Variants in ZNF91 observed in about 807,000 individuals in gnomAD.
The protein encoded by ZNF91 is zinc finger protein 91 (HPF7, HTF10).
In ZNF91, 7 loss-of-function variants were observed where a neutral mutation model predicts 12.6. That is an observed-to-expected ratio of 0.55 (90% confidence interval 0.31 to 1.04). ZNF91 has a LOEUF of 1.04. Among genes scored for constraint, ZNF91 ranks in the 50% least tolerant of loss-of-function variants. The probability of loss-of-function intolerance (pLI) is 0.05; values close to 1 mark genes in which losing one functional copy is unlikely to be tolerated. For missense variants in ZNF91, 1,217 were observed against 1,385.4 expected, an observed-to-expected ratio of 0.88 and a Z score of 1.93; for synonymous variants, 453 against 462.6, an observed-to-expected ratio of 0.98 and a Z score of 0.27.
At chr19:23,364,143 ACC>A (rs775920114) in intron 3 of ZNF91, among the ~76,000 whole-genome samples, 46 of 152,200 alleles carry the variant, frequency 3.0e-4, no homozygotes, top group Non-Finnish European at 5.3e-4. Flanking sequence ...ACATGGTGAA[ACC>A]CCGTCTCTAC....
At chr19:23,333,520 G>A (rs1236021093) in intron 1 of ZNF91, among the ~76,000 whole-genome samples, 1 of 152,310 alleles carries the variant, frequency 6.6e-6, no homozygotes, top group African/African-American at 2.4e-5. Flanking sequence ...AGGACAGTGA[G>A]AGGAAGACCT....
chr19:23,306,325 C>T (rs1016107735), intron 3 of ZNF91, among the ~76,000 whole-genome samples: 1 of 152,194 alleles, frequency 6.6e-6, no homozygotes, highest in African/African-American at 2.4e-5. Context: ...ATATATGCAC[C>T]TTCACAGAAC....
intron 3 of ZNF91, among the ~76,000 whole-genome samples, chr19:23,349,692 T>G (rs2145024588): frequency 6.6e-6 from 1 of 152,048 alleles, no homozygotes; most frequent in African/African-American, 2.4e-5. Context: ...ATACGCAGCA[T>G]GCCAACTGCA....
intron 1 of ZNF91, 114 bp downstream of exon 1, chr19:23,395,211 G>A (rs1022695690): frequency 3.0e-6 from 4 of 1,337,858 alleles, no homozygotes; most frequent in Non-Finnish European, 3.1e-6. Context: ...AGGAGAACCC[G>A]GGCACGGATT....
At chr19:23,352,995 C>T (rs1224761455), downstream of ZNF91, among the ~76,000 whole-genome samples, 1 of 152,166 alleles carries the variant, frequency 6.6e-6, no homozygotes, top group Non-Finnish European at 1.5e-5. Context: ...AGATAGACAG[C>T]AACACTGTAA....
chr19:23,335,026 T>G (rs295401), downstream of ZNF91, among the ~76,000 whole-genome samples: 14 of 152,050 alleles, frequency 9.2e-5, no homozygotes, highest in Non-Finnish European at 1.6e-4. Flanking sequence ...TACATGTGCA[T>G]AGCGTGGAGG....
rs544526314 is a variant in ZNF91 at position 23,387,868 on chromosome 19, G to A, written c.30+7457C>T. ...TGAGACAGGATAATTGCTTAAACCC[G>A]GGAGGCAGAGGTTGCAGTGAGCTGA... is the stretch of plus-strand genomic sequence containing the variant. On this transcript the variant is annotated intron_variant, in intron 1 of 3. Coordinates refer to ENST00000300619, the MANE Select transcript of ZNF91 (RefSeq NM_003430.4). 2.0e-5 allele frequency among the ~76,000 whole-genome samples: 3 copies of A among 151,050 alleles called. No individual in the cohort carries two copies. The East Asian group carries it at 5.9e-4, about 30-fold the overall frequency.
At chr19:23,366,671 T>C (rs1038717277) in intron 3 of ZNF91, among the ~76,000 whole-genome samples, 7 of 152,208 alleles carry the variant, frequency 4.6e-5, no homozygotes, top group African/African-American at 7.2e-5. Flanking sequence ...ACAGAGCAAG[T>C]ACGAGGTGAA....
chr19:23,314,093 C>T (rs969553850), upstream of ZNF91, among the ~76,000 whole-genome samples: 1 of 152,108 alleles, frequency 6.6e-6, no homozygotes, highest in African/African-American at 2.4e-5. Context: ...TATTCCTGCC[C>T]CTAGCACCTA....
At chr19:23,321,124 C>T (rs1394326845) in intron 1 of ZNF91, among the ~76,000 whole-genome samples, 1 of 152,164 alleles carries the variant, frequency 6.6e-6, no homozygotes, top group Non-Finnish European at 1.5e-5. Context: ...TTGATAATCT[C>T]ATCTGTGGAT....
At chr19:23,388,510 C>A (rs1969951334) in intron 1 of ZNF91, among the ~76,000 whole-genome samples, 1 of 152,160 alleles carries the variant, frequency 6.6e-6, no homozygotes, top group African/African-American at 2.4e-5. Context: ...TAACATGGAA[C>A]TGGTACAGAA....
downstream of ZNF91, among the ~76,000 whole-genome samples, chr19:23,354,201 C>T (rs1968431813): frequency 6.6e-6 from 1 of 152,062 alleles, no homozygotes. Context: ...TAACAAAATA[C>T]TAGCTAACAA....
chr19:23,377,934 T>C (rs1244323831), intron 1 of ZNF91, among the ~76,000 whole-genome samples: 1 of 147,170 alleles, frequency 6.8e-6, no homozygotes, highest in Non-Finnish European at 1.5e-5. Flanking sequence ...GATCCAGCAT[T>C]TTTATTTCTT....
At chr19:23,385,873 G>C (rs1398747944) in intron 1 of ZNF91, among the ~76,000 whole-genome samples, 1 of 151,868 alleles carries the variant, frequency 6.6e-6, no homozygotes, top group East Asian at 1.9e-4. Context: ...AATTTTAACT[G>C]TCAGCTACAT....
intron 3 of ZNF91, among the ~76,000 whole-genome samples, chr19:23,344,869 T>C (rs1043640904): frequency 2.0e-5 from 3 of 152,170 alleles, no homozygotes; most frequent in African/African-American, 7.2e-5. Context: ...GGAAGACACA[T>C]ACCCCCTGAA....
At chr19:23,321,428 C>T (rs967745844) in intron 1 of ZNF91, among the ~76,000 whole-genome samples, 1 of 151,790 alleles carries the variant, frequency 6.6e-6, no homozygotes, top group African/African-American at 2.4e-5. Context: ...TGGGCCCAGC[C>T]TAAAAAGGGG....
At chr19:23,349,265 T>C (rs1915885171) in intron 3 of ZNF91, among the ~76,000 whole-genome samples, 1 of 152,150 alleles carries the variant, frequency 6.6e-6, no homozygotes, top group African/African-American at 2.4e-5. Context: ...TAAAAACTTG[T>C]TGGTTTTGTG....
At chr19:23,333,109 G>C (rs1873071574) in intron 1 of ZNF91, among the ~76,000 whole-genome samples, 1 of 152,086 alleles carries the variant, frequency 6.6e-6, no homozygotes, top group South Asian at 2.1e-4. Context: ...AACCTTTTTT[G>C]TGGACACCCA....
intron 3 of ZNF91, among the ~76,000 whole-genome samples, chr19:23,341,078 G>A (rs1276404106): frequency 1.4e-5 from 2 of 144,204 alleles, no homozygotes; most frequent in African/African-American, 2.5e-5. Flanking sequence ...TTTTTGAGAC[G>A]GAGTCTTAGT....
Sources: allele counts gnomAD v4.1 joint callset (sites outside exome capture counted in the v4.1 genomes callset), GRCh38; gene constraint gnomAD v4.1.1; transcripts MANE v1.5; gene names NCBI Gene and HGNC (gene_info 2026-07-23, HGNC 2026-07-21).